The following ST8SIA1 variants were observed in gnomAD, a reference collection of about 807,000 sequenced individuals.
ST8SIA1 encodes the protein alpha-N-acetylneuraminide alpha-2,8-sialyltransferase.
In ST8SIA1, 16 loss-of-function variants were observed where a neutral mutation model predicts 35.9. The observed-to-expected ratio is 0.45, with a 90% CI of 0.30 to 0.68. The LOEUF is 0.68. ST8SIA1 is among the 30% of genes least tolerant of loss of function. The pLI, the probability that ST8SIA1 is intolerant of heterozygous loss-of-function variation, is 0.09. For synonymous variants in ST8SIA1, 170 were observed against 169.6 expected (o/e 1.00, Z -0.02); for missense variants, 383 against 453.6 (o/e 0.84, Z 1.41).
At chr12:22,206,151 T>C (rs1201335904) in intron 4 of ST8SIA1, among the ~76,000 whole-genome samples, 1 of 152,040 alleles carries the variant, frequency 6.6e-6, no homozygotes, top group Non-Finnish European at 1.5e-5. Flanking sequence ...CTATGACAAA[T>C]CTCTAGAAAT....
chr12:22,333,199 T>TTTGC (rs1398053774), intron 1 of ST8SIA1, among the ~76,000 whole-genome samples: 1 of 152,146 alleles, frequency 6.6e-6, no homozygotes, highest in Non-Finnish European at 1.5e-5. Context: ...GCTTGGGCAT[T>TTTGC]TTGTTTGTTT....
intron 2 of ST8SIA1, among the ~76,000 whole-genome samples, chr12:22,256,115 C>T (rs1865725900): frequency 2.0e-5 from 3 of 152,104 alleles, no homozygotes; most frequent in Non-Finnish European, 2.9e-5. Context: ...CAGAAAGCAG[C>T]GTAAACAACG....
At chr12:22,271,979 T>C (rs1013040222) in intron 2 of ST8SIA1, among the ~76,000 whole-genome samples, 2 of 152,214 alleles carry the variant, frequency 1.3e-5, no homozygotes, top group Non-Finnish European at 2.9e-5. Flanking sequence ...GATAACACTT[T>C]GCCTTTTTCC....
chr12:22,218,651 G>T (rs1396780465), intron 4 of ST8SIA1, among the ~76,000 whole-genome samples: 1 of 35,892 alleles, frequency 2.8e-5, no homozygotes, highest in Non-Finnish European at 6.5e-5. Context: ...AAAGTAGCCA[G>T]GCCTGGTGGC....
At chr12:22,229,129 T>C (rs1865388598) in intron 4 of ST8SIA1, among the ~76,000 whole-genome samples, 1 of 150,780 alleles carries the variant, frequency 6.6e-6, no homozygotes, top group Admixed American at 6.6e-5. Context: ...AAATCTATAC[T>C]GTAAAAAAAC....
intron 1 of ST8SIA1, among the ~76,000 whole-genome samples, chr12:22,287,847 A>T (rs1248422612): frequency 6.6e-6 from 1 of 152,238 alleles, no homozygotes; most frequent in African/African-American, 2.4e-5. Flanking sequence ...GAGTAGAAAT[A>T]GAATGAAATG....
chr12:22,239,181 T>C (rs1286123054), intron 4 of ST8SIA1, among the ~76,000 whole-genome samples: 1 of 152,218 alleles, frequency 6.6e-6, no homozygotes, highest in East Asian at 1.9e-4. Flanking sequence ...TAAAATTGTC[T>C]GTTTGCATTT....
intron 4 of ST8SIA1, among the ~76,000 whole-genome samples, chr12:22,221,793 A>G (rs1267944397): frequency 6.6e-6 from 1 of 152,220 alleles, no homozygotes; most frequent in Non-Finnish European, 1.5e-5. Context: ...GCTTATACCT[A>G]TATTAGATGT....
At chr12:22,212,623 A>G (rs1428341917) in intron 4 of ST8SIA1, among the ~76,000 whole-genome samples, 1 of 152,240 alleles carries the variant, frequency 6.6e-6, no homozygotes, top group Non-Finnish European at 1.5e-5. Context: ...GAAATCTAAC[A>G]TAAACTGACT....
intron 1 of ST8SIA1, among the ~76,000 whole-genome samples, chr12:22,288,505 A>G (rs1866132562): frequency 6.6e-6 from 1 of 152,176 alleles, no homozygotes; most frequent in Non-Finnish European, 1.5e-5. Flanking sequence ...GTTGCCAGGA[A>G]TCAGCCTAGT....
chr12:22,210,643 C>T (rs931280419), intron 4 of ST8SIA1, among the ~76,000 whole-genome samples: 1 of 152,162 alleles, frequency 6.6e-6, no homozygotes, highest in Non-Finnish European at 1.5e-5. Context: ...CGCTGAGGTT[C>T]CTGCAATCCC....
chr12:22,241,952 C>G (rs1018580338), intron 4 of ST8SIA1, among the ~76,000 whole-genome samples: 1 of 152,132 alleles, frequency 6.6e-6, no homozygotes, highest in Non-Finnish European at 1.5e-5. Context: ...ACCAATCTGA[C>G]AGTCTAAAGA....
chr12:22,329,433 ATT>A (rs1015981488), intron 1 of ST8SIA1, among the ~76,000 whole-genome samples: 15 of 152,154 alleles, frequency 9.9e-5, no homozygotes, highest in African/African-American at 3.4e-4. Flanking sequence ...GATTTTTGCT[ATT>A]GTGATTATTG....
intron 4 of ST8SIA1, among the ~76,000 whole-genome samples, chr12:22,241,598 ATTTTTTTTT>A (rs71053392): frequency 3.8e-5 from 4 of 104,380 alleles, no homozygotes; most frequent in Non-Finnish European, 7.7e-5. Context: ...AGACTCCGGT[ATTTTTTTTT>A]TTTTTTTTTT....
chr12:22,265,483 A>G (rs1252249593), intron 2 of ST8SIA1, among the ~76,000 whole-genome samples: 4 of 152,180 alleles, frequency 2.6e-5, no homozygotes, highest in African/African-American at 9.7e-5. Context: ...CCTGCTGTTA[A>G]TGTTCCCCTA....
intron 1 of ST8SIA1, among the ~76,000 whole-genome samples, chr12:22,312,157 T>C (rs1015777566): frequency 6.6e-6 from 1 of 152,126 alleles, no homozygotes; most frequent in African/African-American, 2.4e-5. Flanking sequence ...AATAAACGTA[T>C]AAACTAACCA....
chr12:22,226,635 ATC>A (rs1310959325), intron 4 of ST8SIA1, among the ~76,000 whole-genome samples: 1 of 149,694 alleles, frequency 6.7e-6, no homozygotes, highest in Non-Finnish European at 1.5e-5. Flanking sequence ...CATTATATTC[ATC>A]TCTCTGAGTT....
intron 2 of ST8SIA1, among the ~76,000 whole-genome samples, chr12:22,261,911 G>A (rs1188064818): frequency 6.6e-6 from 1 of 152,098 alleles, no homozygotes; most frequent in Non-Finnish European, 1.5e-5. Context: ...AAAATGTGAT[G>A]GTGGACAAAA....
At chr12:22,212,920 A>G (rs545138216) in intron 4 of ST8SIA1, among the ~76,000 whole-genome samples, 2 of 152,266 alleles carry the variant, frequency 1.3e-5, no homozygotes, top group African/African-American at 4.8e-5. Flanking sequence ...AAGTCACAAG[A>G]TTTGTAACTT....
Sources: allele counts gnomAD v4.1 joint callset (sites outside exome capture counted in the v4.1 genomes callset), GRCh38; gene constraint gnomAD v4.1.1; transcripts MANE v1.5; gene names NCBI Gene and HGNC (gene_info 2026-07-23, HGNC 2026-07-21).